Variants in PPP4R1 observed in about 807,000 individuals in gnomAD.
PPP4R1 encodes protein phosphatase 4 regulatory subunit 1, also known as serine/threonine-protein phosphatase 4 regulatory subunit 1.
A neutral mutation model predicts 111.2 loss-of-function variants in PPP4R1; 42 were observed. That is an observed-to-expected ratio of 0.38 (90% CI 0.29 to 0.49). The LOEUF is 0.49. Among genes scored for constraint, PPP4R1 ranks in the 20% least tolerant of loss-of-function variants. The pLI is 0.97. For synonymous variants in PPP4R1, 409 were observed against 405.5 expected, an observed-to-expected ratio of 1.01 and a Z score of -0.10; for missense variants, 1,012 against 1,161.6, an observed-to-expected ratio of 0.87 and a Z score of 1.87.
At chr18:9,596,620 A>ATTCTT (rs2067294391) in intron 2 of PPP4R1, among the ~76,000 whole-genome samples, 1 of 123,740 alleles carries the variant, frequency 8.1e-6, no homozygotes, top group Non-Finnish European at 1.7e-5. Flanking sequence ...TTAGCTCTTA[A>ATTCTT]GAGAGAAAAA....
chr18:9,586,492 C>T (rs1227611439), intron 6 of PPP4R1, among the ~76,000 whole-genome samples: 1 of 152,212 alleles, frequency 6.6e-6, no homozygotes, highest in Non-Finnish European at 1.5e-5. Flanking sequence ...TTAAATGCCA[C>T]TAACACTAAA....
In PPP4R1 at chr18:9,589,485, C is replaced by T. The variant is rs761601236; in HGVS notation, c.296-632G>A. On this transcript the variant is annotated intron_variant, in intron 4 of 19. Transcript: ENST00000400556. ...CAGTAGGAAAATCAGCTAGTTAGCA[C>T]GGAACAAAAGTTCCTACTGCACATC... Among the ~76,000 whole-genome samples, 7 of 152,082 alleles carry T rather than the reference C, an allele frequency of 4.6e-5. No homozygotes were observed. In the South Asian group the frequency reaches 8.3e-4, roughly 18 times the overall value.
chr18:9,554,282 C>T (rs1356664296), intron 15 of PPP4R1, among the ~76,000 whole-genome samples: 1 of 151,938 alleles, frequency 6.6e-6, no homozygotes, highest in African/African-American at 2.4e-5. Context: ...CGCATGCCAC[C>T]ACGCCCGGCT....
intron 2 of PPP4R1, among the ~76,000 whole-genome samples, chr18:9,607,685 A>G (rs750287806): frequency 4.6e-5 from 7 of 152,148 alleles, no homozygotes; most frequent in Non-Finnish European, 8.8e-5. Flanking sequence ...CTAAGTGTTG[A>G]CAATGATGAT....
In PPP4R1 at chr18:9,553,344, G is replaced by A. The variant is rs867602643; in HGVS notation, c.2269C>T (p.Arg757Trp). The A allele has an allele frequency of 4.4e-6, 7 of 1,597,030 alleles. No individual in the cohort carries two copies. The highest frequency in any genetic ancestry group is 2.2e-5 in the East Asian group (1 of 44,762). ...FLVTDNSRNW[R>W]FRAELAEQLI... is the part of the protein sequence containing the mutation. ...TACTCAGCCAGTTCAGCTCGAAACCGCCAATTTCTACTATTATCTGTCACC... is the reference window on the plus strand; with the variant it reads ...TACTCAGCCAGTTCAGCTCGAAACCACCAATTTCTACTATTATCTGTCACC... Residue 757 changes from arginine (R) to tryptophan (W), a missense_variant, in exon 16 of 20, where the codon CGG becomes TGG. Arg to Trp is a moderately radical substitution (Grantham distance 101, BLOSUM62 -3). Transcript: ENST00000400556.
intron 2 of PPP4R1, among the ~76,000 whole-genome samples, chr18:9,601,869 CTTA>C (rs2067389102): frequency 6.6e-6 from 1 of 152,160 alleles, no homozygotes; most frequent in Non-Finnish European, 1.5e-5. Context: ...TTTAGTTCAT[CTTA>C]TCTCTAAGAC....
At chr18:9,549,836 G>C in intron 18 of PPP4R1, 1 of 639,580 alleles carries the variant, frequency 1.6e-6, no homozygotes, top group South Asian at 2.0e-5. Flanking sequence ...TGGGGTGTGT[G>C]TGGTGCATGC....
intron 16 of PPP4R1, chr18:9,550,944 A>G (rs987337535): frequency 1.3e-5 from 2 of 152,618 alleles, no homozygotes; most frequent in African/African-American, 4.8e-5. Flanking sequence ...GAAAGCTTCA[A>G]TGATGGCCTT....
chr18:9,602,316 G>A (rs1035913926), intron 2 of PPP4R1, among the ~76,000 whole-genome samples: 8 of 145,102 alleles, frequency 5.5e-5, no homozygotes, highest in African/African-American at 1.8e-4. Flanking sequence ...CGGATCATGA[G>A]GTCAGGAGAT....
intron 10 of PPP4R1, among the ~76,000 whole-genome samples, chr18:9,573,394 CA>C (rs767924356): frequency 1.9e-4 from 29 of 152,178 alleles, no homozygotes; most frequent in Admixed American, 5.2e-4. Context: ...AAGAATAAAG[CA>C]AATATGGTAA....
At position 9,550,530 on chromosome 18, in the gene PPP4R1, T is replaced by C. The variant is rs553900194; in HGVS notation, c.2292-132A>G. ...TCAAACATACGCAAAGAGGAGTGAT[T>C]AAGCAGACCTCTCCTGTACAGTTAC... On this transcript the variant is annotated intron_variant, in intron 16 of 19. Coordinates refer to ENST00000400556, the MANE Select transcript of PPP4R1 (RefSeq NM_001042388.3). 5.0e-6 allele frequency: 5 copies of C among 999,868 alleles called. No individual in the cohort carries two copies. In the South Asian group the frequency reaches 8.2e-5, roughly 16 times the overall value. The allele number at this position is 999,868 out of a possible 1,614,324, so 61.9% of individuals were successfully genotyped here. A position where few individuals can be genotyped will look rare whatever the true frequency, so the allele number is the denominator to read the frequency against.
At chr18:9,568,234 A>C (rs1412651684) in intron 11 of PPP4R1, among the ~76,000 whole-genome samples, 1 of 152,146 alleles carries the variant, frequency 6.6e-6, no homozygotes, top group Non-Finnish European at 1.5e-5. Flanking sequence ...TATGTTGCCC[A>C]AACTGGTCTC....
intron 4 of PPP4R1, among the ~76,000 whole-genome samples, chr18:9,593,090 T>C (rs1280182068): frequency 2.6e-5 from 4 of 152,098 alleles, no homozygotes; most frequent in African/African-American, 9.7e-5. Flanking sequence ...AAAAAGTCTG[T>C]CAGAGGTAGA....
At position 9,558,975 on chromosome 18, in the gene PPP4R1, C is replaced by T. The variant is rs1480672161; in HGVS notation, c.2028+444G>A. Among the ~76,000 whole-genome samples the T allele has an allele frequency of 2.0e-5, 3 of 152,302 alleles. No homozygotes were observed. The East Asian group carries it at 5.8e-4, about 29-fold the overall frequency. On this transcript the variant is annotated intron_variant, in intron 14 of 19. Coordinates refer to ENST00000400556, the MANE Select transcript of PPP4R1 (RefSeq NM_001042388.3). ...AACTTCTCCTGTCTGTACTGCAATG[C>T]TCAAGGCATGCAGGGCCCAGAACTT...
At chr18:9,564,619 A>G (rs1423516094) in intron 11 of PPP4R1, among the ~76,000 whole-genome samples, 1 of 151,926 alleles carries the variant, frequency 6.6e-6, no homozygotes, top group Non-Finnish European at 1.5e-5. Flanking sequence ...GATCACTCCC[A>G]AGCCAAACCA....
intron 12 of PPP4R1, chr18:9,562,817 T>C (rs886757650): frequency 1.1e-5 from 11 of 959,918 alleles, no homozygotes. Context: ...GCAGCACTGA[T>C]ACCAAATAAT....
chr18:9,603,429 G>C (rs2067425738), intron 2 of PPP4R1, among the ~76,000 whole-genome samples: 1 of 151,848 alleles, frequency 6.6e-6, no homozygotes, highest in Admixed American at 6.6e-5. Context: ...AATATATTCT[G>C]GTTGATCAAC....
At chr18:9,606,640 T>A (rs1160585963) in intron 2 of PPP4R1, among the ~76,000 whole-genome samples, 1 of 152,060 alleles carries the variant, frequency 6.6e-6, no homozygotes, top group African/African-American at 2.4e-5. Flanking sequence ...AAGGCAAGAA[T>A]AATTTGCTGA....
Position 9,588,071 on chromosome 18 carries a change from A to G in PPP4R1, c.585+18T>C, listed in dbSNP as rs760484667. ...TCAGCCACATTTTGCATAAGTGGAA[A>G]AATGGCATTTGACTTACAGCCACAG... On this transcript the variant is annotated intron_variant, in intron 6 of 19. Transcript: ENST00000400556. 6 of 1,613,528 alleles carry G rather than the reference A, an allele frequency of 3.7e-6. No individual in the cohort carries two copies. Among genetic ancestry groups the G allele is most frequent in the Admixed American group, 1.7e-5 (1 of 59,894 alleles).
Sources: allele counts gnomAD v4.1 joint callset (sites outside exome capture counted in the v4.1 genomes callset), GRCh38; gene constraint gnomAD v4.1.1; transcripts MANE v1.5; gene names NCBI Gene and HGNC (gene_info 2026-07-23, HGNC 2026-07-21).